The following DNAJC1 variants were observed in gnomAD, a reference collection of about 807,000 sequenced individuals.
DNAJC1 encodes DnaJ heat shock protein family (Hsp40) member C1, also known as dnaJ homolog subfamily C member 1.
DNAJC1 carries 58 observed loss-of-function variants against 76.6 expected under a neutral mutation model. That is an observed-to-expected ratio of 0.76 (90% confidence interval 0.61 to 0.94). The LOEUF is 0.94. Ranked by LOEUF, DNAJC1 falls within the 40% of genes least tolerant of loss-of-function variation. The pLI is 0.00. For synonymous variants in DNAJC1, 258 were observed against 267.9 expected (o/e 0.96, Z 0.36); for missense variants, 689 against 677.3 (o/e 1.02, Z -0.19).
intron 9 of DNAJC1, among the ~76,000 whole-genome samples, chr10:21,798,546 G>C (rs934834028): frequency 4.6e-5 from 7 of 152,082 alleles, no homozygotes; most frequent in African/African-American, 1.7e-4. Context: ...GGACTTTGTA[G>C]GTGCTATTTC....
chr10:21,842,473 T>C (rs1437176499), intron 8 of DNAJC1, among the ~76,000 whole-genome samples: 1 of 152,214 alleles, frequency 6.6e-6, no homozygotes, highest in Non-Finnish European at 1.5e-5. Context: ...TCTGAGTCTA[T>C]GGTATTGTCA....
chr10:21,842,544 T>C (rs1835590799), intron 8 of DNAJC1, among the ~76,000 whole-genome samples: 1 of 152,232 alleles, frequency 6.6e-6, no homozygotes, highest in African/African-American at 2.4e-5. Context: ...TTTACCTATG[T>C]TGAATTTCAG....
chr10:21,813,531 G>A (rs1283901358), intron 8 of DNAJC1, among the ~76,000 whole-genome samples: 1 of 151,800 alleles, frequency 6.6e-6, no homozygotes, highest in Admixed American at 6.6e-5. Flanking sequence ...GAGTAGCTGG[G>A]ACTACAGGCG....
In DNAJC1 at chr10:21,978,650, A is replaced by C. The variant is rs185929790; in HGVS notation, c.222+24563T>G. ...AGATTCCACAAAACCTGGCAGTGCT[A>C]GTGACTACTAAAGTAGATGAAGAAG... On this transcript the variant is annotated intron_variant, in intron 1 of 11. Coordinates refer to ENST00000376980, the MANE Select transcript of DNAJC1 (RefSeq NM_022365.4). 6.6e-5 allele frequency among the ~76,000 whole-genome samples: 10 copies of C among 152,268 alleles called. No homozygotes were observed. The East Asian group carries it at 1.7e-3, about 26-fold the overall frequency.
chr10:21,846,042 C>G (rs191464944), intron 8 of DNAJC1, among the ~76,000 whole-genome samples: 3 of 152,160 alleles, frequency 2.0e-5, no homozygotes, highest in Admixed American at 6.5e-5. Flanking sequence ...TATAATGCAA[C>G]AGCCATGATC....
At chr10:21,780,317 AG>A (rs1834510307) in intron 9 of DNAJC1, among the ~76,000 whole-genome samples, 1 of 152,234 alleles carries the variant, frequency 6.6e-6, no homozygotes, top group African/African-American at 2.4e-5. Context: ...GTTGAAATGA[AG>A]GAAAAAATGT....
chr10:21,781,517 C>T (rs980106906), intron 9 of DNAJC1, among the ~76,000 whole-genome samples: 8 of 151,970 alleles, frequency 5.3e-5, no homozygotes, highest in African/African-American at 1.7e-4. Flanking sequence ...GTCAGGAGAT[C>T]AAGACCATCC....
chr10:21,936,000 C>T (rs1420504946), intron 1 of DNAJC1, among the ~76,000 whole-genome samples: 2 of 152,130 alleles, frequency 1.3e-5, no homozygotes, highest in Non-Finnish European at 2.9e-5. Context: ...TAATTCAAAT[C>T]ACAACAAAGA....
intron 1 of DNAJC1, among the ~76,000 whole-genome samples, chr10:21,953,377 AG>A (rs1837627943): frequency 6.6e-6 from 1 of 151,976 alleles, no homozygotes; most frequent in African/African-American, 2.4e-5. Flanking sequence ...TTTGACTCAA[AG>A]TTTAACATAC....
At chr10:21,816,970 C>T (rs1835087878) in intron 8 of DNAJC1, among the ~76,000 whole-genome samples, 1 of 144,842 alleles carries the variant, frequency 6.9e-6, no homozygotes, top group Admixed American at 6.9e-5. Flanking sequence ...CTGGCTAACA[C>T]AGTGAAACCC....
chr10:21,770,015 C>T (rs1304769401), intron 9 of DNAJC1, among the ~76,000 whole-genome samples: 1 of 152,170 alleles, frequency 6.6e-6, no homozygotes, highest in East Asian at 1.9e-4. Context: ...AATAAAACAA[C>T]TTCTCTGCTT....
At chr10:21,786,034 G>T (rs1462166154) in intron 9 of DNAJC1, among the ~76,000 whole-genome samples, 1 of 152,128 alleles carries the variant, frequency 6.6e-6, no homozygotes, top group Non-Finnish European at 1.5e-5. Flanking sequence ...GCTTTTGGAC[G>T]AGTAGATTCT....
At chr10:21,794,202 CA>C (rs1257058683) in intron 9 of DNAJC1, among the ~76,000 whole-genome samples, 6 of 129,750 alleles carry the variant, frequency 4.6e-5, no homozygotes, top group African/African-American at 1.8e-4. Context: ...CCAAGGAGTT[CA>C]AAGTTTCAGT....
At chr10:21,859,068 C>A (rs1835884242) in intron 8 of DNAJC1, among the ~76,000 whole-genome samples, 1 of 152,144 alleles carries the variant, frequency 6.6e-6, no homozygotes, top group African/African-American at 2.4e-5. Flanking sequence ...CTAATCCTCC[C>A]ACTACTTGGA....
chr10:21,835,133 C>T (rs959553763), intron 8 of DNAJC1, among the ~76,000 whole-genome samples: 1 of 152,144 alleles, frequency 6.6e-6, no homozygotes, highest in African/African-American at 2.4e-5. Flanking sequence ...ACAAAACTTC[C>T]AGAGGAACGA....
At chr10:21,811,966 C>T (rs1834973905) in intron 8 of DNAJC1, among the ~76,000 whole-genome samples, 2 of 152,126 alleles carry the variant, frequency 1.3e-5, no homozygotes, top group Non-Finnish European at 2.9e-5. Flanking sequence ...CTTACCAACA[C>T]TTGACATGGT....
intron 8 of DNAJC1, among the ~76,000 whole-genome samples, chr10:21,868,376 G>A (rs1048635676): frequency 2.6e-5 from 4 of 151,800 alleles, no homozygotes; most frequent in Non-Finnish European, 4.4e-5. Context: ...ACCTGCCTCG[G>A]CCTCCCAAAG....
intron 1 of DNAJC1, among the ~76,000 whole-genome samples, chr10:21,971,216 T>C (rs1837972414): frequency 1.3e-5 from 2 of 151,900 alleles, no homozygotes; most frequent in South Asian, 2.1e-4. Flanking sequence ...TAGAGATATT[T>C]AGGAAACCAA....
chr10:21,766,392 G>A (rs1834300404), intron 9 of DNAJC1, 83 bp from the exon 10 acceptor site: 1 of 1,003,954 alleles, frequency 1.0e-6, no homozygotes. Context: ...TAAGCTCCAT[G>A]TGAATGAACA....
Sources: allele counts gnomAD v4.1 joint callset (sites outside exome capture counted in the v4.1 genomes callset), GRCh38; gene constraint gnomAD v4.1.1; transcripts MANE v1.5; gene names NCBI Gene and HGNC (gene_info 2026-07-23, HGNC 2026-07-21).